NSF: variants seen among roughly 807,000 people sequenced by gnomAD.
NSF encodes vesicle-fusing ATPase.
Under a neutral mutation model 50.3 loss-of-function variants are expected in NSF, and 14 were observed. The ratio of observed to expected loss-of-function variants is 0.28; its 90% CI spans 0.18 to 0.44. The LOEUF is 0.44. Among genes scored for constraint, NSF ranks in the 20% least tolerant of loss-of-function variants. NSF has a pLI of 1.00. For missense variants in NSF, 218 were observed against 504.3 expected (o/e 0.43, Z 5.44); for synonymous variants, 109 against 175.7 (o/e 0.62, Z 3.00).
chr17:46,709,493 AT>A lies in NSF; in HGVS notation c.1471-1455del, dbSNP rs934842907. Among the ~76,000 whole-genome samples, 568 of 143,192 alleles carry A rather than the reference AT, an allele frequency of 4.0e-3. 1 individual carries two copies. The highest frequency in any genetic ancestry group is 5.2e-3 in the African/African-American group (204 of 39,324). 93.9% of individuals were successfully genotyped at this position (143,192 alleles called of 152,430 possible). A position where few individuals can be genotyped will look rare whatever the true frequency, so the allele number is the denominator to read the frequency against. ...AATTAAAGACAAAAGCCAGCCTATA[AT>A]TTTTTTTTTTTTTTAAATGAGATGG... On this transcript the variant is annotated intron_variant, in intron 13 of 20. Transcript: ENST00000398238.
intron 18 of NSF, 124 bp downstream of exon 18, chr17:46,750,031 T>A: frequency 8.8e-7 from 1 of 1,130,286 alleles, no homozygotes; most frequent in Non-Finnish European, 1.3e-6. Context: ...CCCGGGGATA[T>A]TACAGGTTGT....
chr17:46,751,425 T>G (rs2059180781), intron 18 of NSF, 78 bp from the exon 19 acceptor site: 2 of 1,031,680 alleles, frequency 1.9e-6, no homozygotes, highest in African/African-American at 3.1e-5. Flanking sequence ...TCACTCTTCT[T>G]TTAAAGGTAA....
At chr17:46,721,230 G>C (rs2058827763) in intron 15 of NSF, among the ~76,000 whole-genome samples, 1 of 152,184 alleles carries the variant, frequency 6.6e-6, no homozygotes, top group Non-Finnish European at 1.5e-5. Context: ...CTCCACCTTT[G>C]CATGCAAGAG....
rs761904881 is a variant in NSF, at chr17:46,711,217, C to T, written c.1627+98C>T. On this transcript the variant is annotated intron_variant, in intron 14 of 20. Coordinates refer to ENST00000398238, the MANE Select transcript of NSF (RefSeq NM_006178.4). Reference sequence around the variant, plus strand: ...CATTCTAGAAAAGTGAATTCTTTTTCGTTTTTAACCTTGTTCTTGATCTGA... The same window carrying T: ...CATTCTAGAAAAGTGAATTCTTTTTTGTTTTTAACCTTGTTCTTGATCTGA... 29 of 1,119,394 alleles carry T rather than the reference C, an allele frequency of 2.6e-5. No homozygotes were observed. In the African/African-American group the frequency reaches 4.8e-4, roughly 18 times the overall value. The allele number at this position is 1,119,394 out of a possible 1,614,324, so 69.3% of individuals were successfully genotyped here. A position where few individuals can be genotyped will look rare whatever the true frequency, so the allele number is the denominator to read the frequency against.
At chr17:46,710,864 G>A in intron 13 of NSF, 99 bp from the exon 14 acceptor site, 1 of 1,039,238 alleles carries the variant, frequency 9.6e-7, no homozygotes, top group Non-Finnish European at 1.4e-6. Flanking sequence ...ATGGGATAGT[G>A]ATCAATACCT....
At chr17:46,754,149 CTTTTTTTTTT>C (rs71363599) in intron 19 of NSF, among the ~76,000 whole-genome samples, 1 of 134,052 alleles carries the variant, frequency 7.5e-6, no homozygotes. Context: ...CCAGCCAGTT[CTTTTTTTTTT>C]TTTTTTTTTA....
intron 17 of NSF, among the ~76,000 whole-genome samples, chr17:46,747,945 A>C (rs2059147326): frequency 6.6e-6 from 1 of 152,294 alleles, no homozygotes; most frequent in Non-Finnish European, 1.5e-5. Context: ...CCATCTTAGG[A>C]TATGTAGTTT....
chr17:46,711,582 C>G (rs953211662), intron 14 of NSF, among the ~76,000 whole-genome samples: 2 of 152,080 alleles, frequency 1.3e-5, no homozygotes, highest in Non-Finnish European at 2.9e-5. Flanking sequence ...TAGGGGTGGT[C>G]AGGGAAAACT....
At chr17:46,609,823 G>A (rs2057990361) in intron 1 of NSF, among the ~76,000 whole-genome samples, 1 of 128,770 alleles carries the variant, frequency 7.8e-6, no homozygotes. Flanking sequence ...GTGTCTCACT[G>A]TTTCTTTTTT....
In NSF at chr17:46,755,741, T is replaced by G. The variant is rs200538265; in HGVS notation, c.2214-61T>G. ...TTAGTGATTTTTTTTTTTTTTTTTT[T>G]GATGAATAGTTTTTTACGGACCCTC... is the stretch of plus-strand genomic sequence containing the variant. On this transcript the variant is annotated intron_variant, in intron 20 of 20. Coordinates refer to ENST00000398238, the MANE Select transcript of NSF (RefSeq NM_006178.4). 3.0e-6 allele frequency: 4 copies of G among 1,314,080 alleles called. No homozygotes were observed. The African/African-American group carries it at 4.8e-5, about 16-fold the overall frequency. 81.4% of individuals were successfully genotyped at this position (1,314,080 alleles called of 1,614,324 possible). A position where few individuals can be genotyped will look rare whatever the true frequency, so the allele number is the denominator to read the frequency against.
At chr17:46,730,470 A>G (rs545434202) in intron 17 of NSF, among the ~76,000 whole-genome samples, 5 of 152,274 alleles carry the variant, frequency 3.3e-5, no homozygotes, top group Admixed American at 3.3e-4. Context: ...TTGTGATCCA[A>G]AGTAGATACT....
At position 46,711,238 on chromosome 17, in the gene NSF, T is replaced by A. The variant is rs188248553; in HGVS notation, c.1627+119T>A. 6.2e-6 allele frequency: 6 copies of A among 971,288 alleles called. No individual in the cohort carries two copies. The Admixed American group carries it at 2.5e-4, about 40-fold the overall frequency. The allele number at this position is 971,288 out of a possible 1,614,324, so 60.2% of individuals were successfully genotyped here. A position where few individuals can be genotyped will look rare whatever the true frequency, so the allele number is the denominator to read the frequency against. ...TTTTCGTTTTTAACCTTGTTCTTGATCTGAAAATAGTAATCCAATCTATGT... is the reference window on the plus strand; with the variant it reads ...TTTTCGTTTTTAACCTTGTTCTTGAACTGAAAATAGTAATCCAATCTATGT... On this transcript the variant is annotated intron_variant, in intron 14 of 20. Coordinates refer to ENST00000398238, the MANE Select transcript of NSF (RefSeq NM_006178.4).
rs2058725766 is a variant in NSF at position 46,712,147 on chromosome 17, G to A, written c.1627+1028G>A. On this transcript the variant is annotated intron_variant, in intron 14 of 20. Coordinates refer to ENST00000398238, the MANE Select transcript of NSF (RefSeq NM_006178.4). ...AGTTGGATTAGTCTTAATGAGAGTC[G>A]ATTGTGGTTTGAAGTATGTGGAGTA... 1.3e-5 allele frequency among the ~76,000 whole-genome samples: 2 copies of A among 152,156 alleles called. 1 individual carries two copies. The highest frequency in any genetic ancestry group is 4.1e-4 in the South Asian group (2 of 4,820).
At chr17:46,709,391 A>G (rs1441911989) in intron 13 of NSF, among the ~76,000 whole-genome samples, 2 of 152,138 alleles carry the variant, frequency 1.3e-5, no homozygotes, top group Admixed American at 6.5e-5. Context: ...CACGTTATAT[A>G]TCTTGGGAGA....
chr17:46,657,956 A>C (rs1164255689), intron 8 of NSF, among the ~76,000 whole-genome samples: 1 of 78,754 alleles, frequency 1.3e-5, no homozygotes, highest in Non-Finnish European at 2.1e-5. Flanking sequence ...TTTTGTTTTT[A>C]TTTTATTTTA....
In NSF at chr17:46,751,592, A is replaced by C. The variant is rs1237878109; in HGVS notation, c.2133A>C (p.Leu711=). 2 of 1,613,234 alleles carry C rather than the reference A, an allele frequency of 1.2e-6. No homozygotes were observed. ...KKVWIGIKKL[L]MLIEMSLQMD... is the part of the protein sequence containing the mutation. Reference sequence around the variant, plus strand: ...TCTGGATAGGAATCAAGAAGTTACTAATGCTGATCGAGATGTCCCTACAGG... The same window carrying C: ...TCTGGATAGGAATCAAGAAGTTACTCATGCTGATCGAGATGTCCCTACAGG... The change falls in exon 19 of 21, where the codon CTA becomes CTC. Residue 711 remains leucine (L), a synonymous_variant. Coordinates refer to ENST00000398238, the MANE Select transcript of NSF (RefSeq NM_006178.4).
At chr17:46,605,467 G>T (rs942782335) in intron 1 of NSF, among the ~76,000 whole-genome samples, 9 of 150,422 alleles carry the variant, frequency 6.0e-5, no homozygotes, top group Admixed American at 3.9e-4. Context: ...AAAAAAAGCT[G>T]TCAGAGAAAA....
chr17:46,720,423 T>G (rs1414923175), intron 15 of NSF, among the ~76,000 whole-genome samples: 1 of 152,154 alleles, frequency 6.6e-6, no homozygotes, highest in Admixed American at 6.5e-5. Context: ...TGAGAAAATG[T>G]AAGATTTTTT....
At chr17:46,752,452 T>TCA (rs754967670) in intron 19 of NSF, among the ~76,000 whole-genome samples, 308 of 151,746 alleles carry the variant, frequency 2.0e-3, no homozygotes, top group Non-Finnish European at 3.7e-3. Context: ...CAGTAAACTT[T>TCA]TATTATTATT....
Sources: allele counts gnomAD v4.1 joint callset (sites outside exome capture counted in the v4.1 genomes callset), GRCh38; gene constraint gnomAD v4.1.1; transcripts MANE v1.5; gene names NCBI Gene and HGNC (gene_info 2026-07-23, HGNC 2026-07-21).